EPHA6: variants seen among roughly 807,000 people sequenced by gnomAD.
EPHA6 encodes the protein EPH receptor A6.
A neutral mutation model predicts 112.0 loss-of-function variants in EPHA6; 50 were observed. The observed-to-expected ratio is 0.45, with a 90% CI of 0.36 to 0.56. The LOEUF (loss-of-function observed/expected upper bound fraction) is 0.56. Among genes scored for constraint, EPHA6 ranks in the 20% least tolerant of loss-of-function variants. EPHA6 has a pLI of 0.00. For synonymous variants in EPHA6, 529 were observed against 490.7 expected (o/e 1.08, Z -1.03); for missense variants, 1,280 against 1,417.4 (o/e 0.90, Z 1.56).
chr3:96,907,903 T>C (rs2039018480), intron 2 of EPHA6, among the ~76,000 whole-genome samples: 1 of 151,950 alleles, frequency 6.6e-6, no homozygotes, highest in Admixed American at 6.6e-5. Flanking sequence ...ATGCATTGCT[T>C]AGTGACGGGA....
intron 1 of EPHA6, among the ~76,000 whole-genome samples, chr3:96,823,810 G>C (rs1017960605): frequency 1.3e-5 from 2 of 151,744 alleles, no homozygotes; most frequent in African/African-American, 4.8e-5. Flanking sequence ...TATTTCATGT[G>C]TTCAATTTAA....
chr3:97,118,602 C>A (rs943619896), intron 3 of EPHA6, among the ~76,000 whole-genome samples: 2 of 151,808 alleles, frequency 1.3e-5, no homozygotes, highest in African/African-American at 2.4e-5. Context: ...TCACCATATT[C>A]ATTTCAGTTT....
At chr3:97,393,168 T>C (rs1183811110) in intron 5 of EPHA6, among the ~76,000 whole-genome samples, 1 of 151,866 alleles carries the variant, frequency 6.6e-6, no homozygotes, top group Non-Finnish European at 1.5e-5. Context: ...TATGCTAAAT[T>C]CCTAGAAAGT....
rs35225817 is a variant in EPHA6 at position 97,124,469 on chromosome 3, AAAAGAAAGAAAGAAAG to A, written c.1115-101777_1115-101762del. Among the ~76,000 whole-genome samples the A allele has an allele frequency of 3.1e-3, 461 of 149,852 alleles. 3 individuals are homozygous for A. The highest frequency in any genetic ancestry group is 0.01 in the African/African-American group (426 of 40,584). ...TGATTAGAGAGGCATTCTGTTTAAAAAAAGAAAGAAAGAAAGAAAGAAAGAAAGAAAGAGAAAGAAA... is the reference window on the plus strand; with the variant it reads ...TGATTAGAGAGGCATTCTGTTTAAAAAAAGAAAGAAAGAAAGAGAAAGAAA... On this transcript the variant is annotated intron_variant, in intron 3 of 17. Transcript: ENST00000389672.
intron 7 of EPHA6, among the ~76,000 whole-genome samples, chr3:97,469,202 C>T (rs1369860085): frequency 6.6e-6 from 1 of 151,668 alleles, no homozygotes; most frequent in African/African-American, 2.4e-5. Flanking sequence ...AAACTCCTGG[C>T]TCCTGACTAG....
At chr3:96,974,044 AATAT>A (rs980613173) in intron 2 of EPHA6, among the ~76,000 whole-genome samples, 1 of 145,714 alleles carries the variant, frequency 6.9e-6, no homozygotes, top group African/African-American at 2.5e-5. Context: ...TAATACAATA[AATAT>A]ATATAATAAA....
At chr3:97,677,983 A>G (rs977412014) in intron 14 of EPHA6, among the ~76,000 whole-genome samples, 2 of 152,178 alleles carry the variant, frequency 1.3e-5, no homozygotes, top group African/African-American at 4.8e-5. Context: ...GATGAAGGCA[A>G]AACCCAAAAT....
chr3:97,561,900 G>A (rs2093198009), intron 11 of EPHA6, among the ~76,000 whole-genome samples: 1 of 152,074 alleles, frequency 6.6e-6, no homozygotes, highest in Non-Finnish European at 1.5e-5. Flanking sequence ...GGGCCCTTGA[G>A]AATTATGCTA....
chr3:97,510,810 C>G (rs1175379000), intron 10 of EPHA6, among the ~76,000 whole-genome samples: 1 of 152,238 alleles, frequency 6.6e-6, no homozygotes, highest in Non-Finnish European at 1.5e-5. Flanking sequence ...CCCAGGTGCT[C>G]TGTCCCAGGG....
At chr3:97,731,257 G>A (rs1453703423) in intron 15 of EPHA6, among the ~76,000 whole-genome samples, 1 of 152,052 alleles carries the variant, frequency 6.6e-6, no homozygotes, top group African/African-American at 2.4e-5. Context: ...CTGGAAGAAT[G>A]GCAGTACCCT....
At chr3:96,948,186 T>G (rs973332990) in intron 2 of EPHA6, among the ~76,000 whole-genome samples, 3 of 152,238 alleles carry the variant, frequency 2.0e-5, no homozygotes, top group Non-Finnish European at 4.4e-5. Flanking sequence ...TTTGCAAGAC[T>G]CTTAAAATGG....
chr3:97,508,984 C>A (rs1282114053), intron 10 of EPHA6, among the ~76,000 whole-genome samples: 1 of 22,312 alleles, frequency 4.5e-5, no homozygotes, highest in Non-Finnish European at 9.4e-5. Flanking sequence ...GCATCCCTGG[C>A]TTTTTTTTTT....
At chr3:96,991,240 C>G (rs2043205016) in intron 3 of EPHA6, among the ~76,000 whole-genome samples, 1 of 152,132 alleles carries the variant, frequency 6.6e-6, no homozygotes, top group African/African-American at 2.4e-5. Flanking sequence ...GCATATGTTT[C>G]TGTTATTCAT....
intron 3 of EPHA6, among the ~76,000 whole-genome samples, chr3:97,169,998 C>G (rs931240130): frequency 4.0e-5 from 6 of 151,808 alleles, no homozygotes; most frequent in Non-Finnish European, 7.4e-5. Context: ...CACATTAGGA[C>G]AAATACCTAA....
chr3:97,061,044 G>T (rs4857236), intron 3 of EPHA6, among the ~76,000 whole-genome samples: 1 of 151,264 alleles, frequency 6.6e-6, no homozygotes, highest in Non-Finnish European at 1.5e-5. Context: ...GGGTGGTTCA[G>T]AAATGTCAGT....
At chr3:97,489,845 A>G (rs963910551) in intron 10 of EPHA6, among the ~76,000 whole-genome samples, 1 of 152,162 alleles carries the variant, frequency 6.6e-6, no homozygotes, top group African/African-American at 2.4e-5. Context: ...ACAGTAGTCT[A>G]TCAATTTATT....
chr3:97,037,341 T>C (rs541082605), intron 3 of EPHA6, among the ~76,000 whole-genome samples: 14 of 152,128 alleles, frequency 9.2e-5, no homozygotes, highest in African/African-American at 3.1e-4. Context: ...CTTAGGGTAG[T>C]CAAGAAAGAC....
At chr3:96,909,894 A>G (rs1278593360) in intron 2 of EPHA6, among the ~76,000 whole-genome samples, 2 of 151,954 alleles carry the variant, frequency 1.3e-5, no homozygotes, top group East Asian at 1.9e-4. Context: ...ATCTCTGAGC[A>G]TATATTTCTT....
chr3:96,961,330 T>C (rs146685449), intron 2 of EPHA6, among the ~76,000 whole-genome samples: 1 of 152,358 alleles, frequency 6.6e-6, no homozygotes, highest in East Asian at 1.9e-4. Context: ...ACTTAAGAGA[T>C]ACAGTGATAC....
Sources: allele counts gnomAD v4.1 joint callset (sites outside exome capture counted in the v4.1 genomes callset), GRCh38; gene constraint gnomAD v4.1.1; transcripts MANE v1.5; gene names NCBI Gene and HGNC (gene_info 2026-07-23, HGNC 2026-07-21).